The following DAB2IP variants were observed in gnomAD, a reference collection of about 807,000 sequenced individuals.
The protein encoded by DAB2IP is disabled homolog 2-interacting protein.
In DAB2IP, 28 loss-of-function variants were observed where a neutral mutation model predicts 107.2. The observed-to-expected ratio is 0.26, with a 90% CI of 0.19 to 0.36. The LOEUF (loss-of-function observed/expected upper bound fraction) is 0.36. Among genes scored for constraint, DAB2IP ranks in the 10% least tolerant of loss-of-function variants. The probability of loss-of-function intolerance (pLI) is 1.00; values close to 1 mark genes in which losing one functional copy is unlikely to be tolerated. For missense variants in DAB2IP, 1,400 were observed against 1,644.7 expected (o/e 0.85, Z 2.57); for synonymous variants, 755 against 706.4 (o/e 1.07, Z -1.09).
At chr9:121,585,199 C>A (rs753970368) in intron 1 of DAB2IP, among the ~76,000 whole-genome samples, 1 of 152,210 alleles carries the variant, frequency 6.6e-6, no homozygotes, top group African/African-American at 2.4e-5. Context: ...ATGCGGCCAA[C>A]AACACCTCTG....
chr9:121,638,596 T>C (rs949702079), intron 1 of DAB2IP, among the ~76,000 whole-genome samples: 7 of 152,086 alleles, frequency 4.6e-5, no homozygotes, highest in Non-Finnish European at 1.0e-4. Context: ...TCAAGAGAGC[T>C]GTGGCAGGGA....
rs753153245 is a variant in DAB2IP, at chr9:121,759,011, CT to C, written c.615+16del. The C allele has an allele frequency of 1.2e-6, 2 of 1,604,360 alleles. No individual in the cohort carries two copies. Among genetic ancestry groups the C allele is most frequent in the South Asian group, 1.1e-5 (1 of 88,770 alleles). Reference sequence around the variant, plus strand: ...ATCCCAACAAGGTAAGCCTGCGCCCCTCTCACCAAAGCATGGGGGATTGAAG... The same window carrying C: ...ATCCCAACAAGGTAAGCCTGCGCCCCCTCACCAAAGCATGGGGGATTGAAG... On this transcript the variant is annotated intron_variant, in intron 5 of 15. Transcript: ENST00000408936.
intron 1 of DAB2IP, among the ~76,000 whole-genome samples, chr9:121,593,626 GTTTTA>G (rs1376919641): frequency 7.1e-6 from 1 of 141,400 alleles, no homozygotes; most frequent in Non-Finnish European, 1.5e-5. Context: ...TTCTTTATTA[GTTTTA>G]TTTTATTTTC....
intron 3 of DAB2IP, among the ~76,000 whole-genome samples, chr9:121,716,967 A>G (rs1307707317): frequency 6.6e-6 from 1 of 152,212 alleles, no homozygotes; most frequent in African/African-American, 2.4e-5. Context: ...TGCTCCTAGC[A>G]TCTACCAGGA....
chr9:121,755,147 G>A (rs1190739401), intron 3 of DAB2IP, among the ~76,000 whole-genome samples: 1 of 152,242 alleles, frequency 6.6e-6, no homozygotes, highest in African/African-American at 2.4e-5. Flanking sequence ...TCATTGCCGT[G>A]ATGGGGAGGA....
At chr9:121,613,480 T>C (rs940404214) in intron 1 of DAB2IP, among the ~76,000 whole-genome samples, 7 of 152,194 alleles carry the variant, frequency 4.6e-5, no homozygotes, top group Non-Finnish European at 4.4e-5. Context: ...GGGCAGGAAG[T>C]GGCCCGGTGC....
At chr9:121,612,007 T>C (rs912857694) in intron 1 of DAB2IP, among the ~76,000 whole-genome samples, 2 of 152,340 alleles carry the variant, frequency 1.3e-5, no homozygotes, top group Non-Finnish European at 2.9e-5. Context: ...ATGGTCTTCT[T>C]AATGCACTTT....
chr9:121,641,848 T>TCCA (rs1832299206), intron 1 of DAB2IP, among the ~76,000 whole-genome samples: 1 of 151,052 alleles, frequency 6.6e-6, no homozygotes, highest in Admixed American at 6.6e-5. Context: ...CTTTCTTTCT[T>TCCA]TTTCTTTCTT....
intron 3 of DAB2IP, among the ~76,000 whole-genome samples, chr9:121,725,931 T>C (rs1032199823): frequency 1.7e-4 from 26 of 152,218 alleles, no homozygotes; most frequent in African/African-American, 5.8e-4. Flanking sequence ...AGTCCTTGGC[T>C]GTGTGTAAGG....
intron 13 of DAB2IP, among the ~76,000 whole-genome samples, chr9:121,775,509 C>G (rs946545348): frequency 2.0e-5 from 3 of 152,224 alleles, no homozygotes; most frequent in Non-Finnish European, 4.4e-5. Flanking sequence ...CGTCTGGCCC[C>G]TCTCGATCCC....
intron 1 of DAB2IP, among the ~76,000 whole-genome samples, chr9:121,656,277 G>A (rs1589461663): frequency 6.6e-6 from 1 of 152,164 alleles, no homozygotes; most frequent in East Asian, 1.9e-4. Flanking sequence ...CAAAGTGCTG[G>A]GATTACAGGC....
chr9:121,602,723 C>G, intron 1 of DAB2IP, among the ~76,000 whole-genome samples: 1 of 152,010 alleles, frequency 6.6e-6, no homozygotes, highest in East Asian at 1.9e-4. Context: ...CTACAGGCGC[C>G]CGCCACCACG....
intron 1 of DAB2IP, among the ~76,000 whole-genome samples, chr9:121,601,758 G>A (rs1830688976): frequency 1.3e-5 from 2 of 152,170 alleles, no homozygotes; most frequent in Admixed American, 6.5e-5. Context: ...CAGGTTTAGA[G>A]AGGTTAAGGG....
chr9:121,631,808 C>A lies in DAB2IP; in HGVS notation c.41-46870C>A, dbSNP rs1318970794. Among the ~76,000 whole-genome samples the A allele has an allele frequency of 2.9e-5, 4 of 136,214 alleles. No individual in the cohort carries two copies. In the Admixed American group the frequency reaches 3.0e-4, roughly 10 times the overall value. 89.4% of individuals were successfully genotyped at this position (136,214 alleles called of 152,430 possible). On this transcript the variant is annotated intron_variant, in intron 1 of 16. Coordinates refer to the DAB2IP transcript ENST00000259371. ...TCCAGCCTGGCTACAGGGCAAGACT[C>A]CGTCTAAAAAAAAAAAAAAAAAAAA...
rs979158993 is a variant in DAB2IP at position 121,639,125 on chromosome 9, G to A, written c.41-39553G>A. On this transcript the variant is annotated intron_variant, in intron 1 of 16. Coordinates refer to the DAB2IP transcript ENST00000259371. ...CTGCCACTAATCAACTCTTGTGCCTGTAAAATGGGAGAGTAACAGGATTCA... is the reference window on the plus strand; with the variant it reads ...CTGCCACTAATCAACTCTTGTGCCTATAAAATGGGAGAGTAACAGGATTCA... Among the ~76,000 whole-genome samples, 8 of 152,240 alleles carry A rather than the reference G, an allele frequency of 5.3e-5. No individual in the cohort carries two copies. The South Asian group carries it at 1.0e-3, about 20-fold the overall frequency.
intron 1 of DAB2IP, among the ~76,000 whole-genome samples, chr9:121,676,116 A>G (rs1833893540): frequency 6.6e-6 from 1 of 152,208 alleles, no homozygotes; most frequent in South Asian, 2.1e-4. Flanking sequence ...CCTGGTGTCA[A>G]TGCCTGCCCC....
At chr9:121,572,311 C>A (rs1044846722) in intron 1 of DAB2IP, among the ~76,000 whole-genome samples, 1 of 152,120 alleles carries the variant, frequency 6.6e-6, no homozygotes, top group Non-Finnish European at 1.5e-5. Flanking sequence ...CCCTTGAGGG[C>A]AGGGGCTGTA....
At chr9:121,737,679 C>A (rs1832026612) in intron 3 of DAB2IP, 6 of 985,280 alleles carry the variant, frequency 6.1e-6, no homozygotes, top group South Asian at 9.4e-5. Context: ...GTGCCCAGAA[C>A]CAGGTCAGCA....
At chr9:121,724,918 G>A (rs1338742573) in intron 3 of DAB2IP, among the ~76,000 whole-genome samples, 6 of 152,124 alleles carry the variant, frequency 3.9e-5, no homozygotes, top group Non-Finnish European at 7.4e-5. Context: ...GCCAAGGAGG[G>A]GGTGAACCAT....
Sources: gnomAD v4.1 joint callset for allele counts (sites outside exome capture counted in the v4.1 genomes callset) on GRCh38, gnomAD v4.1.1 for gene constraint, MANE v1.5 for transcripts, NCBI Gene and HGNC (gene_info 2026-07-23, HGNC 2026-07-21) for gene names.